The following ASIC2 variants were observed in gnomAD, a reference collection of about 807,000 sequenced individuals.
The protein encoded by ASIC2 is acid sensing ion channel subunit 2.
A neutral mutation model predicts 57.3 loss-of-function variants in ASIC2; 25 were observed. The ratio of observed to expected loss-of-function variants is 0.44; its 90% CI spans 0.32 to 0.61. The LOEUF (loss-of-function observed/expected upper bound fraction) is 0.61. ASIC2 is among the 20% of genes least tolerant of loss of function. The pLI, the probability that ASIC2 is intolerant of heterozygous loss-of-function variation, is 0.06. For missense variants in ASIC2, 641 were observed against 738.1 expected (o/e 0.87, Z 1.52); for synonymous variants, 319 against 307.5 (o/e 1.04, Z -0.39).
chr17:34,067,216 T>C (rs989372012), intron 1 of ASIC2, among the ~76,000 whole-genome samples: 3 of 152,194 alleles, frequency 2.0e-5, no homozygotes, highest in African/African-American at 7.2e-5. Context: ...AGGGCTGACA[T>C]TGCTTGCTCT....
At chr17:33,273,869 G>T (rs1904603828) in intron 1 of ASIC2, among the ~76,000 whole-genome samples, 1 of 152,128 alleles carries the variant, frequency 6.6e-6, no homozygotes, top group African/African-American at 2.4e-5. Flanking sequence ...AGAAATGACT[G>T]GGGGAGGGGG....
intron 1 of ASIC2, among the ~76,000 whole-genome samples, chr17:33,218,786 G>A (rs9807040): frequency 1.3e-5 from 2 of 151,968 alleles, no homozygotes; most frequent in Non-Finnish European, 2.9e-5. Context: ...GTTGTTGCTC[G>A]GGGCATCTCT....
At chr17:34,059,057 C>A (rs1165282163) in intron 1 of ASIC2, among the ~76,000 whole-genome samples, 4 of 152,202 alleles carry the variant, frequency 2.6e-5, no homozygotes, top group Non-Finnish European at 4.4e-5. Context: ...GAGGCTTGCA[C>A]TGTAGATTTG....
chr17:33,557,322 C>T (rs1034566433), intron 1 of ASIC2, among the ~76,000 whole-genome samples: 1 of 152,126 alleles, frequency 6.6e-6, no homozygotes, highest in African/African-American at 2.4e-5. Context: ...AGTCACTATC[C>T]TCAGAGAAGA....
intron 1 of ASIC2, among the ~76,000 whole-genome samples, chr17:33,184,657 C>A (rs1480328521): frequency 6.6e-6 from 1 of 152,208 alleles, no homozygotes; most frequent in Non-Finnish European, 1.5e-5. Flanking sequence ...CTCAACTCCA[C>A]TTCCATCCTT....
At position 33,232,406 on chromosome 17, in the gene ASIC2, AATGGT is replaced by A. The variant is rs1160468658; in HGVS notation, c.708+58997_708+59001del. The stretch of plus-strand genomic sequence containing the variant: ...GTATGGCAGCCTAGGTATGGTATGG[AATGGT>A]ATGGTATGGTATGGTATGGTATGGT... On this transcript the variant is annotated intron_variant, in intron 1 of 9. Transcript: ENST00000225823. Among the ~76,000 whole-genome samples the A allele has an allele frequency of 2.3e-3, 316 of 136,000 alleles. 2 individuals are homozygous for A. Among genetic ancestry groups the A allele is most frequent in the African/African-American group, 7.8e-3 (267 of 34,038 alleles). 89.2% of individuals were successfully genotyped at this position (136,000 alleles called of 152,430 possible).
chr17:34,013,008 A>T (rs917446274), intron 1 of ASIC2, among the ~76,000 whole-genome samples: 2 of 152,190 alleles, frequency 1.3e-5, no homozygotes, highest in African/African-American at 4.8e-5. Context: ...GTCAGGAAGC[A>T]GTGAGGGGGA....
chr17:33,918,860 T>C (rs1915646787), intron 1 of ASIC2, among the ~76,000 whole-genome samples: 1 of 152,214 alleles, frequency 6.6e-6, no homozygotes, highest in Admixed American at 6.5e-5. Flanking sequence ...GAGTCATGCA[T>C]GCGGAAGAAA....
intron 1 of ASIC2, among the ~76,000 whole-genome samples, chr17:33,872,310 C>G (rs1914437136): frequency 6.6e-6 from 1 of 152,152 alleles, no homozygotes; most frequent in African/African-American, 2.4e-5. Context: ...ACCCTACACA[C>G]AGCCTGAACC....
intron 1 of ASIC2, among the ~76,000 whole-genome samples, chr17:33,859,354 T>C (rs1198291518): frequency 6.6e-6 from 1 of 152,038 alleles, no homozygotes. Flanking sequence ...AAAGATTTGT[T>C]GAAAGAACCA....
chr17:33,242,846 G>GC (rs1191094407), intron 1 of ASIC2, among the ~76,000 whole-genome samples: 3 of 152,182 alleles, frequency 2.0e-5, no homozygotes, highest in African/African-American at 7.2e-5. Context: ...GGGTTGTTGT[G>GC]CAGGGAAGGT....
chr17:33,612,781 G>A (rs1384763130), intron 1 of ASIC2, among the ~76,000 whole-genome samples: 1 of 152,186 alleles, frequency 6.6e-6, no homozygotes, highest in Non-Finnish European at 1.5e-5. Context: ...TGGACGAGAG[G>A]AGCACAGCTG....
At chr17:33,206,245 G>C (rs961606052) in intron 1 of ASIC2, among the ~76,000 whole-genome samples, 1 of 152,158 alleles carries the variant, frequency 6.6e-6, no homozygotes, top group Non-Finnish European at 1.5e-5. Flanking sequence ...GGACCCATTT[G>C]GTGATGAGGT....
At chr17:33,136,572 C>T (rs2092367943) in intron 1 of ASIC2, among the ~76,000 whole-genome samples, 1 of 152,110 alleles carries the variant, frequency 6.6e-6, no homozygotes, top group Non-Finnish European at 1.5e-5. Context: ...CCAGTGATAG[C>T]TAAAGTGATG....
chr17:33,715,831 A>G (rs1448981098), intron 1 of ASIC2, among the ~76,000 whole-genome samples: 2 of 152,206 alleles, frequency 1.3e-5, no homozygotes, highest in Non-Finnish European at 2.9e-5. Context: ...TGTCAGGAGA[A>G]GAGCCAAACC....
At chr17:33,585,404 A>G (rs1904590820) in intron 1 of ASIC2, among the ~76,000 whole-genome samples, 1 of 152,208 alleles carries the variant, frequency 6.6e-6, no homozygotes. Flanking sequence ...GCCTTTATTA[A>G]TTTGAAGAAA....
chr17:33,425,505 A>T (rs1192339325), intron 1 of ASIC2, among the ~76,000 whole-genome samples: 2 of 152,180 alleles, frequency 1.3e-5, no homozygotes, highest in Admixed American at 1.3e-4. Flanking sequence ...TTCAAGGATC[A>T]TTGGGGAGGT....
chr17:33,638,912 C>T (rs1487035024), intron 1 of ASIC2, among the ~76,000 whole-genome samples: 1 of 152,058 alleles, frequency 6.6e-6, no homozygotes, highest in Admixed American at 6.5e-5. Context: ...ACCTTCAAGG[C>T]CTATTTCCTG....
At chr17:33,840,571 A>C (rs1398339484) in intron 1 of ASIC2, among the ~76,000 whole-genome samples, 1 of 152,174 alleles carries the variant, frequency 6.6e-6, no homozygotes, top group Non-Finnish European at 1.5e-5. Flanking sequence ...ATTTATCCTG[A>C]AATCTTTAAG....
Sources: gnomAD v4.1 joint callset for allele counts (sites outside exome capture counted in the v4.1 genomes callset) on GRCh38, gnomAD v4.1.1 for gene constraint, MANE v1.5 for transcripts, NCBI Gene and HGNC (gene_info 2026-07-23, HGNC 2026-07-21) for gene names.